The following HCN1 variants were observed in gnomAD, a reference collection of about 807,000 sequenced individuals.
The protein encoded by HCN1 is potassium/sodium hyperpolarization-activated cyclic nucleotide-gated channel 1.
In HCN1, 13 loss-of-function variants were observed where a neutral mutation model predicts 78.9. The ratio of observed to expected loss-of-function variants is 0.16; its 90% CI spans 0.11 to 0.26. The LOEUF is 0.26. HCN1 is among the 10% of genes least tolerant of loss of function. The pLI is 1.00. For missense variants in HCN1, 810 were observed against 1,154.3 expected, an observed-to-expected ratio of 0.70 and a Z score of 4.32; for synonymous variants, 552 against 455.5, an observed-to-expected ratio of 1.21 and a Z score of -2.70.
intron 4 of HCN1, among the ~76,000 whole-genome samples, chr5:45,374,687 A>G (rs1178477239): frequency 1.3e-5 from 2 of 150,794 alleles, no homozygotes; most frequent in African/African-American, 4.8e-5. Context: ...GGCAGAGACA[A>G]CAAAAAAAGA....
intron 5 of HCN1, among the ~76,000 whole-genome samples, chr5:45,314,804 A>T (rs1745943059): frequency 6.6e-6 from 1 of 152,192 alleles, no homozygotes; most frequent in Non-Finnish European, 1.5e-5. Context: ...ACAAAGATCA[A>T]AAGAGACAAA....
At chr5:45,693,352 TTA>T (rs1270488081) in intron 1 of HCN1, among the ~76,000 whole-genome samples, 2 of 152,184 alleles carry the variant, frequency 1.3e-5, no homozygotes, top group Non-Finnish European at 2.9e-5. Flanking sequence ...TATATTGTAA[TTA>T]TGTTTTAAAA....
intron 5 of HCN1, among the ~76,000 whole-genome samples, chr5:45,327,837 C>A (rs1746266433): frequency 6.6e-6 from 1 of 151,544 alleles, no homozygotes; most frequent in South Asian, 2.1e-4. Flanking sequence ...CTCTGCAAAT[C>A]AAGGAGAGAA....
chr5:45,411,254 T>C (rs1740015440), intron 3 of HCN1, among the ~76,000 whole-genome samples: 1 of 152,084 alleles, frequency 6.6e-6, no homozygotes, highest in Non-Finnish European at 1.5e-5. Flanking sequence ...GGCATATCTC[T>C]CAATTCAGAT....
intron 2 of HCN1, among the ~76,000 whole-genome samples, chr5:45,512,578 A>G (rs1742436059): frequency 6.6e-6 from 1 of 152,076 alleles, no homozygotes; most frequent in South Asian, 2.1e-4. Flanking sequence ...TTTTTAAAAA[A>G]TCCTGCCCCA....
At chr5:45,440,207 C>T (rs1031111291) in intron 3 of HCN1, among the ~76,000 whole-genome samples, 1 of 151,742 alleles carries the variant, frequency 6.6e-6, no homozygotes, top group East Asian at 1.9e-4. Flanking sequence ...TCACTGATTA[C>T]TATACTTGAG....
rs75228534 is a variant in HCN1, at chr5:45,396,388, T to C, written c.1230+104A>G. ...TTTTTACTTTAAACATTTTATCTCT[T>C]TTTTTTTTTTATAGAGGAGATGGTG... On this transcript the variant is annotated intron_variant, in intron 4 of 7. Coordinates refer to ENST00000303230, the MANE Select transcript of HCN1 (RefSeq NM_021072.4). 7,012 of 828,782 alleles carry C rather than the reference T, an allele frequency of 8.5e-3. 308 individuals carry two copies. In the African/African-American group the frequency reaches 0.11, roughly 12 times the overall value. The allele number at this position is 828,782 out of a possible 1,614,324, so 51.3% of individuals were successfully genotyped here.
chr5:45,552,877 C>T (rs747560210), intron 2 of HCN1, among the ~76,000 whole-genome samples: 1 of 151,836 alleles, frequency 6.6e-6, no homozygotes, highest in African/African-American at 2.4e-5. Context: ...AAGGAAGACA[C>T]TGGGAATACG....
intron 1 of HCN1, among the ~76,000 whole-genome samples, chr5:45,687,905 G>C (rs1350263017): frequency 6.6e-6 from 1 of 152,074 alleles, no homozygotes; most frequent in Non-Finnish European, 1.5e-5. Flanking sequence ...AGAAAAATTG[G>C]CCTGGCTCCA....
chr5:45,567,653 T>C (rs1248178434), intron 2 of HCN1, among the ~76,000 whole-genome samples: 1 of 149,134 alleles, frequency 6.7e-6, no homozygotes, highest in Admixed American at 6.7e-5. Context: ...ACATAGCTTT[T>C]AGATTGAATT....
At chr5:45,274,059 T>C (rs1173721763) in intron 6 of HCN1, among the ~76,000 whole-genome samples, 1 of 152,168 alleles carries the variant, frequency 6.6e-6, no homozygotes. Context: ...TTTCACATTT[T>C]GTACAATCTT....
intron 4 of HCN1, among the ~76,000 whole-genome samples, chr5:45,395,849 G>GA (rs374518709): frequency 0.031 from 4,614 of 151,048 alleles, 272 homozygotes; most frequent in African/African-American, 0.1. Context: ...CTTCATGTGG[G>GA]AAAAAAAAAT....
In HCN1 at chr5:45,461,271, A is replaced by G. The variant is rs372232810; in HGVS notation, c.1011+575T>C. 3.3e-5 allele frequency among the ~76,000 whole-genome samples: 5 copies of G among 152,206 alleles called. No individual in the cohort carries two copies. The East Asian group carries it at 7.7e-4, about 23-fold the overall frequency. ...GGAATATACATAGCTATTTAAATCA[A>G]ATTTATACTTTATAGTTTTTTAAAT... is the stretch of plus-strand genomic sequence containing the variant. On this transcript the variant is annotated intron_variant, in intron 3 of 7. Coordinates refer to ENST00000303230, the MANE Select transcript of HCN1 (RefSeq NM_021072.4).
At chr5:45,272,063 T>C (rs767726404) in intron 6 of HCN1, among the ~76,000 whole-genome samples, 1 of 152,052 alleles carries the variant, frequency 6.6e-6, no homozygotes, top group Non-Finnish European at 1.5e-5. Flanking sequence ...AATTAAGAAA[T>C]GGCACACCCT....
At chr5:45,618,223 G>C (rs1459553518) in intron 2 of HCN1, among the ~76,000 whole-genome samples, 1 of 152,022 alleles carries the variant, frequency 6.6e-6, no homozygotes, top group Non-Finnish European at 1.5e-5. Context: ...ATGAAGTCAG[G>C]GAAGGAATCC....
chr5:45,593,193 C>T (rs575467738), intron 2 of HCN1, among the ~76,000 whole-genome samples: 5 of 142,748 alleles, frequency 3.5e-5, no homozygotes, highest in African/African-American at 7.5e-5. Context: ...TACAGTTGCA[C>T]GCGCGCATGC....
chr5:45,676,977 G>C (rs1347785395), intron 1 of HCN1, among the ~76,000 whole-genome samples: 1 of 151,748 alleles, frequency 6.6e-6, no homozygotes, highest in East Asian at 1.9e-4. Flanking sequence ...GGTGGGAAAT[G>C]ATTCAAAATT....
intron 2 of HCN1, among the ~76,000 whole-genome samples, chr5:45,632,879 GA>G (rs1745292189): frequency 1.3e-5 from 2 of 152,024 alleles, no homozygotes; most frequent in African/African-American, 4.8e-5. Flanking sequence ...AAAATGTGAA[GA>G]CAAGTGAAGC....
intron 1 of HCN1, among the ~76,000 whole-genome samples, chr5:45,676,481 A>G (rs1008448738): frequency 9.2e-5 from 14 of 151,746 alleles, no homozygotes; most frequent in Non-Finnish European, 1.9e-4. Context: ...AAAATTTTTA[A>G]CATGTTCAGA....
Sources: allele counts gnomAD v4.1 joint callset (sites outside exome capture counted in the v4.1 genomes callset), GRCh38; gene constraint gnomAD v4.1.1; transcripts MANE v1.5; gene names NCBI Gene and HGNC (gene_info 2026-07-23, HGNC 2026-07-21).